Variants in MCCC2 observed in about 807,000 individuals in gnomAD.
MCCC2 encodes methylcrotonoyl-CoA carboxylase beta chain, mitochondrial.
In MCCC2, 52 loss-of-function variants were observed where a neutral mutation model predicts 77.2. That is an observed-to-expected ratio of 0.67 (90% CI 0.54 to 0.85). MCCC2 has a LOEUF of 0.85. Among genes scored for constraint, MCCC2 ranks in the 40% least tolerant of loss-of-function variants. The pLI is 0.00. For missense variants in MCCC2, 682 were observed against 703.2 expected (o/e 0.97, Z 0.34); for synonymous variants, 253 against 248.4 (o/e 1.02, Z -0.18).
chr5:71,647,966 C>T (rs906480386), intron 13 of MCCC2, among the ~76,000 whole-genome samples: 5 of 152,084 alleles, frequency 3.3e-5, no homozygotes, highest in African/African-American at 1.2e-4. Context: ...GGGGTGAGAA[C>T]TTGAAGACAG....
chr5:71,597,572 A>G (rs555233386), intron 3 of MCCC2, among the ~76,000 whole-genome samples: 1 of 152,196 alleles, frequency 6.6e-6, no homozygotes, highest in South Asian at 2.1e-4. Flanking sequence ...TTCTGGATGT[A>G]TTGTGAAGAC....
chr5:71,615,166 C>T lies in MCCC2; in HGVS notation c.624+10698C>T, dbSNP rs148678451. 9.5e-3 allele frequency among the ~76,000 whole-genome samples: 1,448 copies of T among 152,152 alleles called. 26 individuals are homozygous for T. Among genetic ancestry groups the T allele is most frequent in the African/African-American group, 0.033 (1,381 of 41,506 alleles). ...GTATTTTTAATAGAGATGAGGTTTC[C>T]ATATGTTGGCCAGGCTGGCCTTGAA... is the stretch of plus-strand genomic sequence containing the variant. On this transcript the variant is annotated intron_variant, in intron 6 of 16. Coordinates refer to ENST00000340941, the MANE Select transcript of MCCC2 (RefSeq NM_022132.5).
intron 4 of MCCC2, among the ~76,000 whole-genome samples, chr5:71,601,091 G>T (rs1036250072): frequency 1.3e-5 from 2 of 152,150 alleles, no homozygotes; most frequent in African/African-American, 4.8e-5. Flanking sequence ...AGAAGGTTTA[G>T]TTTTGTTGCC....
At chr5:71,634,721 C>T (rs1037458145) in intron 8 of MCCC2, among the ~76,000 whole-genome samples, 1 of 152,090 alleles carries the variant, frequency 6.6e-6, no homozygotes, top group African/African-American at 2.4e-5. Context: ...TTAACTTATG[C>T]GTACTTCAGC....
intron 15 of MCCC2, among the ~76,000 whole-genome samples, chr5:71,651,460 G>C (rs1303685523): frequency 6.6e-6 from 1 of 152,134 alleles, no homozygotes; most frequent in Non-Finnish European, 1.5e-5. Context: ...TAACTCCTGT[G>C]TAAGCACCAA....
chr5:71,640,982 C>G lies in MCCC2; in HGVS notation c.1000-21C>G, dbSNP rs1350398198. ...CTTTTGCAATATAATTTCTCAAGGC[C>G]ATTGTTGTTTTTCCTCTTAGGTCAT... On this transcript the variant is annotated intron_variant, in intron 10 of 16. Transcript: ENST00000340941. 1.9e-6 allele frequency: 3 copies of G among 1,605,356 alleles called. No homozygotes were observed. In the South Asian group the frequency reaches 3.3e-5, roughly 18 times the overall value.
At chr5:71,606,606 C>G (rs1187594522) in intron 6 of MCCC2, among the ~76,000 whole-genome samples, 3 of 103,626 alleles carry the variant, frequency 2.9e-5, no homozygotes, top group African/African-American at 1.1e-4. Flanking sequence ...GAACTTCCAA[C>G]ACTATGTTGA....
At chr5:71,596,545 A>G (rs1038161387) in intron 3 of MCCC2, among the ~76,000 whole-genome samples, 181 bp downstream of exon 3, 1 of 152,206 alleles carries the variant, frequency 6.6e-6, no homozygotes, top group Non-Finnish European at 1.5e-5. Context: ...AGAGCCTACT[A>G]TTGGTCAGGT....
intron 1 of MCCC2, among the ~76,000 whole-genome samples, chr5:71,590,229 C>T (rs531865435): frequency 5.3e-5 from 8 of 152,272 alleles, no homozygotes; most frequent in African/African-American, 1.9e-4. Flanking sequence ...CACTAAACTA[C>T]ACTGCCTCTT....
intron 2 of MCCC2, among the ~76,000 whole-genome samples, chr5:71,594,565 A>C (rs371017149): frequency 0.026 from 3,680 of 141,810 alleles, 72 homozygotes; most frequent in South Asian, 0.077. Flanking sequence ...GACTCAATGG[A>C]GGGTTGAGGA....
rs773115035 is a variant in MCCC2, at chr5:71,635,200, A to G, written c.953A>G (p.Tyr318Cys). 2.0e-5 allele frequency: 33 copies of G among 1,614,020 alleles called. No homozygotes were observed. The highest frequency in any genetic ancestry group is 3.3e-5 in the Admixed American group (2 of 60,012). ...EEPLFPADEL[Y>C]GIVGANLKRS... ...CCTTTATTTCCTGCTGATGAATTGTATGGAATAGTTGGTGCTAACCTTAAG... is the reference window on the plus strand; with the variant it reads ...CCTTTATTTCCTGCTGATGAATTGTGTGGAATAGTTGGTGCTAACCTTAAG... The change falls in exon 10 of 17, where the codon TAT (tyrosine) becomes TGT (cysteine). Residue 318 changes from tyrosine (Y) to cysteine (C), a missense_variant. Transcript: ENST00000340941.
At chr5:71,646,395 G>A (rs1043409381) in intron 13 of MCCC2, 118 bp downstream of exon 13, 13 of 864,598 alleles carry the variant, frequency 1.5e-5, no homozygotes, top group Non-Finnish European at 2.1e-5. Context: ...AGTTCTACTG[G>A]ACATGCTCTT....
intron 8 of MCCC2, 119 bp from the exon 9 acceptor site, chr5:71,634,824 T>G: frequency 1.2e-6 from 1 of 862,326 alleles, no homozygotes; most frequent in African/African-American, 1.7e-5. Flanking sequence ...ACAAATTTTT[T>G]AAGTGTTTTA....
intron 6 of MCCC2, among the ~76,000 whole-genome samples, chr5:71,605,239 C>A (rs1422458466): frequency 1.1e-4 from 17 of 150,860 alleles, no homozygotes; most frequent in Admixed American, 2.0e-4. Context: ...CCTCTCCAGC[C>A]CCTGTTGTTT....
intron 6 of MCCC2, among the ~76,000 whole-genome samples, chr5:71,621,751 G>A (rs1039440974): frequency 6.6e-6 from 1 of 151,872 alleles, no homozygotes; most frequent in African/African-American, 2.4e-5. Flanking sequence ...CTGGGAATGG[G>A]AGTAGAGGTT....
At chr5:71,611,873 T>C (rs1053597968) in intron 6 of MCCC2, among the ~76,000 whole-genome samples, 1 of 151,636 alleles carries the variant, frequency 6.6e-6, no homozygotes, top group Non-Finnish European at 1.5e-5. Context: ...ACTGCAAACT[T>C]TGCCTCCCGG....
chr5:71,630,724 A>G (rs1746678631), intron 7 of MCCC2, among the ~76,000 whole-genome samples: 2 of 152,148 alleles, frequency 1.3e-5, no homozygotes, highest in African/African-American at 4.8e-5. Flanking sequence ...AAAGCTTTTG[A>G]TGTAGAGAGT....
In MCCC2 at chr5:71,605,520, T is replaced by C. The variant is rs1011582018; in HGVS notation, c.624+1052T>C. On this transcript the variant is annotated intron_variant, in intron 6 of 16. Coordinates refer to ENST00000340941, the MANE Select transcript of MCCC2 (RefSeq NM_022132.5). ...TAGGTTGTGAAAATTTTCTCCCATT[T>C]TGTAGGTTGCCTGTTCACTCTGATG... Among the ~76,000 whole-genome samples, 137 of 151,286 alleles carry C rather than the reference T, an allele frequency of 9.1e-4. 2 individuals carry two copies. In the East Asian group the frequency reaches 0.023, roughly 25 times the overall value.
At chr5:71,609,897 G>C (rs1365115290) in intron 6 of MCCC2, among the ~76,000 whole-genome samples, 1 of 151,948 alleles carries the variant, frequency 6.6e-6, no homozygotes, top group African/African-American at 2.4e-5. Context: ...AGGGGTCAGG[G>C]ACCCACTTGA....
Sources: allele counts gnomAD v4.1 joint callset (sites outside exome capture counted in the v4.1 genomes callset), GRCh38; gene constraint gnomAD v4.1.1; transcripts MANE v1.5; gene names NCBI Gene and HGNC (gene_info 2026-07-23, HGNC 2026-07-21).